Variants in VPS35 observed in about 807,000 individuals in gnomAD.
The protein encoded by VPS35 is vacuolar protein sorting-associated protein 35.
VPS35 carries 21 observed loss-of-function variants against 98.1 expected under a neutral mutation model. The observed-to-expected ratio is 0.21, with a 90% confidence interval of 0.15 to 0.31. The LOEUF is 0.31. Among genes scored for constraint, VPS35 ranks in the 10% least tolerant of loss-of-function variants. The pLI, the probability that VPS35 is intolerant of heterozygous loss-of-function variation, is 1.00. For missense variants in VPS35, 554 were observed against 950.8 expected (o/e 0.58, Z 5.49); for synonymous variants, 268 against 318.2 (o/e 0.84, Z 1.68).
intron 16 of VPS35, chr16:46,660,986 A>G (rs1965906022): frequency 2.7e-6 from 1 of 374,210 alleles, no homozygotes; most frequent in Non-Finnish European, 5.1e-6. Context: ...ATCTCTAGTA[A>G]TAATACAAAA....
chr16:46,682,308 C>T (rs1416528394), intron 2 of VPS35, 133 bp from the exon 3 acceptor site: 4 of 738,052 alleles, frequency 5.4e-6, no homozygotes, highest in Non-Finnish European at 6.9e-6. Flanking sequence ...ATTTTAACCA[C>T]ATTAAAAAAA....
In VPS35 at chr16:46,660,647, G is replaced by C; in HGVS notation, c.2216C>G (p.Thr739Arg). The C allele has an allele frequency of 6.2e-7, 1 of 1,613,216 alleles. No homozygotes were observed. Among genetic ancestry groups the C allele is most frequent in the Non-Finnish European group, 8.5e-7 (1 of 1,179,784 alleles). ...YFYEKENDAVTIQVLNQLIQK... is the reference protein window; with the variant it reads ...YFYEKENDAVRIQVLNQLIQK... ...GATAAGCTGGTTTAAAACCTGAATT[G>C]TTACCTACAAAAGAATATGTACAAA... The change falls in exon 17 of 17, where the codon ACA becomes AGA. Residue 739 changes from threonine to arginine, a missense_variant. Physicochemically the swap from Thr to Arg is moderately conservative, Grantham distance 71. Transcript: ENST00000299138.
chr16:46,678,994 A>G lies in VPS35; in HGVS notation c.669T>C (p.Asn223=). 1 of 1,614,122 alleles carries G rather than the reference A, an allele frequency of 6.2e-7. No homozygotes were observed. The highest frequency in any genetic ancestry group is 2.2e-5 in the East Asian group (1 of 44,884). ...RQELRILVGT[N]LVRLSQLEGV... ...CTTCCAACTGACTGAGGCGCACCAA[A>G]TTTGTTCCCACTAAAATTCTCAGTT... The change falls in exon 6 of 17, where the codon AAT becomes AAC. Residue 223 remains asparagine, a synonymous_variant. Transcript: ENST00000299138.
intron 12 of VPS35, 103 bp from the exon 13 acceptor site, chr16:46,669,155 A>C: frequency 2.1e-6 from 3 of 1,439,062 alleles, no homozygotes; most frequent in Admixed American, 3.4e-5. Context: ...TTGTGAATAT[A>C]TACAATGTAC....
In VPS35 at chr16:46,671,711, C is replaced by T; in HGVS notation, c.1518G>A (p.Gln506=). Residue 506 remains glutamine, a synonymous_variant, in exon 12 of 17, where the codon CAG becomes CAA. Transcript: ENST00000299138. ...HLLRSEDPDQ[Q]YLILNTARKH... The stretch of plus-strand genomic sequence containing the variant: ...ACTAAGGGTAAACTCATACCAAGTA[C>T]TGCTGGTCAGGGTCCTCAGAGCGCA... 1 of 1,614,146 alleles carries T rather than the reference C, an allele frequency of 6.2e-7. No homozygotes were observed. The highest frequency in any genetic ancestry group is 1.1e-5 in the South Asian group (1 of 91,086).
intron 6 of VPS35, among the ~76,000 whole-genome samples, chr16:46,678,560 A>C (rs1374344920): frequency 6.6e-6 from 1 of 152,184 alleles, no homozygotes; most frequent in Non-Finnish European, 1.5e-5. Context: ...ATCTCACTGC[A>C]GCTTTAGAGT....
chr16:46,677,156 A>C (rs1966164303), intron 7 of VPS35, among the ~76,000 whole-genome samples, 159 bp downstream of exon 7: 1 of 151,960 alleles, frequency 6.6e-6, no homozygotes, highest in Admixed American at 6.6e-5. Context: ...TTGAACTCCC[A>C]AACTGCTGAG....
At chr16:46,679,185 A>G (rs898189300) in intron 5 of VPS35, 29 bp from the exon 6 acceptor site, 9 of 1,560,958 alleles carry the variant, frequency 5.8e-6, no homozygotes, top group African/African-American at 1.4e-5. Context: ...GTCTTTACAC[A>G]GTATTTACAG....
At chr16:46,688,344 T>G in intron 1 of VPS35, 1 of 987,042 alleles carries the variant, frequency 1.0e-6, no homozygotes, top group Non-Finnish European at 1.2e-6. Context: ...AAGATTCACA[T>G]TTTGAGGAAG....
intron 14 of VPS35, 63 bp downstream of exon 14, chr16:46,662,920 C>A (rs903550909): frequency 6.3e-7 from 1 of 1,593,358 alleles, no homozygotes; most frequent in Non-Finnish European, 8.6e-7. Context: ...ACCACCATGC[C>A]TGCAAACAAG....
At chr16:46,676,065 CAAAAA>C (rs369452932) in intron 8 of VPS35, among the ~76,000 whole-genome samples, 2 of 63,590 alleles carry the variant, frequency 3.1e-5, no homozygotes, top group East Asian at 1.1e-3. Context: ...GGATCTGTCT[CAAAAA>C]AAAAAAAAAA....
chr16:46,658,023 T>C lies in VPS35; in HGVS notation c.*2449A>G, dbSNP rs1045708234. ...AAAGCCAAATATTTATTACATCCAA[T>C]AGACATAAAATTACTCTGTCAAATT... On this transcript the variant is annotated 3_prime_UTR_variant, in exon 17 of 17. Coordinates refer to ENST00000299138, the MANE Select transcript of VPS35 (RefSeq NM_018206.6). 1 of 152,198 alleles carries C rather than the reference T, an allele frequency of 6.6e-6. No individual in the cohort carries two copies. The highest frequency in any genetic ancestry group is 1.5e-5 in the Non-Finnish European group (1 of 68,036). 9.4% of individuals were successfully genotyped at this position (152,198 alleles called of 1,614,324 possible).
intron 8 of VPS35, among the ~76,000 whole-genome samples, chr16:46,675,985 A>G (rs2143007999): frequency 6.7e-6 from 1 of 149,142 alleles, no homozygotes; most frequent in South Asian, 2.1e-4. Flanking sequence ...GAATCACTTG[A>G]ACCTAGGAGT....
intron 13 of VPS35, among the ~76,000 whole-genome samples, chr16:46,665,863 T>C (rs1407189372): frequency 1.3e-5 from 2 of 152,138 alleles, no homozygotes; most frequent in Non-Finnish European, 2.9e-5. Context: ...CAATCATAAC[T>C]CACTGCAGCC....
intron 4 of VPS35, among the ~76,000 whole-genome samples, 156 bp downstream of exon 4, chr16:46,681,221 T>C (rs989558103): frequency 2.6e-5 from 4 of 152,254 alleles, no homozygotes; most frequent in African/African-American, 4.8e-5. Context: ...GTAAATCTAG[T>C]TACTCTAAAA....
At chr16:46,671,599 C>T in intron 12 of VPS35, 106 bp downstream of exon 12, 1 of 1,502,242 alleles carries the variant, frequency 6.7e-7, no homozygotes, top group South Asian at 1.2e-5. Flanking sequence ...GTTGCAATTC[C>T]TTCAAAACCA....
intron 6 of VPS35, among the ~76,000 whole-genome samples, chr16:46,678,198 A>G (rs1281427944): frequency 2.6e-5 from 4 of 152,090 alleles, no homozygotes; most frequent in African/African-American, 7.2e-5. Context: ...CTTTTGCACC[A>G]TATCTGCACT....
chr16:46,679,229 T>C, intron 5 of VPS35, 73 bp from the exon 6 acceptor site: 1 of 1,324,462 alleles, frequency 7.6e-7, no homozygotes, highest in African/African-American at 1.5e-5. Context: ...CCTTTGTGTA[T>C]TTCCTACTTA....
At chr16:46,671,077 C>G (rs1007860872) in intron 12 of VPS35, among the ~76,000 whole-genome samples, 3 of 151,532 alleles carry the variant, frequency 2.0e-5, no homozygotes, top group African/African-American at 7.3e-5. Flanking sequence ...CACAATGATT[C>G]CCTGTGGACT....
Sources: allele counts gnomAD v4.1 joint callset (sites outside exome capture counted in the v4.1 genomes callset), GRCh38; gene constraint gnomAD v4.1.1; transcripts MANE v1.5; gene names NCBI Gene and HGNC (gene_info 2026-07-23, HGNC 2026-07-21).